ABCA7: variants seen among roughly 807,000 people sequenced by gnomAD.
ABCA7 encodes the protein phospholipid-transporting ATPase ABCA7.
In ABCA7, 261 loss-of-function variants were observed where a neutral mutation model predicts 227.6. The ratio of observed to expected loss-of-function variants is 1.15; its 90% CI spans 1.04 to 1.27. ABCA7 has a LOEUF of 1.27. ABCA7 is among the 50% of genes most tolerant of loss of function. The pLI, the probability that ABCA7 is intolerant of heterozygous loss-of-function variation, is 0.00. For missense variants in ABCA7, 3,331 were observed against 2,924.5 expected (o/e 1.14, Z -3.21); for synonymous variants, 1,488 against 1,279.7 (o/e 1.16, Z -3.47).
At chr19:1,057,243 T>A in intron 34 of ABCA7, 71 bp from the exon 35 acceptor site, 1 of 1,583,488 alleles carries the variant, frequency 6.3e-7, no homozygotes, top group African/African-American at 1.3e-5. Flanking sequence ...GAGGTCAGGG[T>A]GGGAACAGGG....
Position 1,043,901 on chromosome 19 carries a change from C to T in ABCA7, c.1047+60C>T, listed in dbSNP as rs868011570. 69 of 1,456,242 alleles carry T rather than the reference C, an allele frequency of 4.7e-5. 1 individual carries two copies. In the Middle Eastern group the frequency reaches 1.9e-3, roughly 41 times the overall value. The allele number at this position is 1,456,242 out of a possible 1,614,324, so 90.2% of individuals were successfully genotyped here. A position where few individuals can be genotyped will look rare whatever the true frequency, so the allele number is the denominator to read the frequency against. On this transcript the variant is annotated intron_variant, in intron 10 of 46. Coordinates refer to ENST00000263094, the MANE Select transcript of ABCA7 (RefSeq NM_019112.4). ...CCCCGGTGAGGAGGGTAGACAGGCC[C>T]GGTGGATGGGAAGGTGGGCTCCGTG...
chr19:1,061,390 C>CAA lies in ABCA7; in HGVS notation c.5464-371_5464-370dup, dbSNP rs978850571. 7.5e-3 allele frequency among the ~76,000 whole-genome samples: 270 copies of CAA among 36,176 alleles called. 2 individuals are homozygous for CAA. The highest frequency in any genetic ancestry group is 0.021 in the African/African-American group (147 of 7,014). The allele number at this position is 36,176 out of a possible 152,430, so 23.7% of individuals were successfully genotyped here. Reference sequence around the variant, plus strand: ...GGGGTGACACAGCAAGGCTCCGTCTCAAAAAAAAAAAAAAAAAAAAAAGAG... The same window carrying CAA: ...GGGGTGACACAGCAAGGCTCCGTCTCAAAAAAAAAAAAAAAAAAAAAAAAGAG... On this transcript the variant is annotated intron_variant, in intron 40 of 46. Transcript: ENST00000263094.
At chr19:1,062,827 C>G (rs974335757) in intron 42 of ABCA7, among the ~76,000 whole-genome samples, 1 of 151,074 alleles carries the variant, frequency 6.6e-6, no homozygotes, top group Admixed American at 6.6e-5. Context: ...CCACCCACAC[C>G]ATGGCCCTGC....
At position 1,057,020 on chromosome 19, in the gene ABCA7, A is replaced by G. The variant is rs1192906462; in HGVS notation, c.4700A>G (p.His1567Arg). The G allele has an allele frequency of 2.5e-6, 4 of 1,613,674 alleles. No homozygotes were observed. Among genetic ancestry groups the G allele is most frequent in the Non-Finnish European group, 3.4e-6 (4 of 1,179,992 alleles). ...LIEERVTRAK[H>R]LQLMGGLSPT... Reference sequence around the variant, plus strand: ...GAGGAGCGAGTCACCCGAGCCAAGCACCTGCAGCTCATGGGGGGCCTGTCC... The same window carrying G: ...GAGGAGCGAGTCACCCGAGCCAAGCGCCTGCAGCTCATGGGGGGCCTGTCC... Residue 1567 changes from histidine (H) to arginine (R), a missense_variant, in exon 34 of 47, where the codon CAC becomes CGC. Physicochemically the swap from His to Arg is conservative, Grantham distance 29. Coordinates refer to ENST00000263094, the MANE Select transcript of ABCA7 (RefSeq NM_019112.4).
Position 1,065,425 on chromosome 19 carries a change from A to T in ABCA7, c.6441A>T (p.Ter2147CysextTer38). 1 of 1,612,978 alleles carries T rather than the reference A, an allele frequency of 6.2e-7. No homozygotes were observed. Residue 2147 changes from the stop codon to cysteine, a stop_lost, in exon 47 of 47, where the codon TGA (stop) becomes TGT (cysteine). Coordinates refer to ENST00000263094, the MANE Select transcript of ABCA7 (RefSeq NM_019112.4). ...DDPSTAETVL[*>C] ...CTAGCACTGCCGAGACTGTGCTCTG[A>T]GCCTCCCTCCCCTGCGGGGCCGCGG...
rs543605819 is a variant in ABCA7 at position 1,051,581 on chromosome 19, G to T, written c.2957G>T (p.Arg986Leu). The change falls in exon 21 of 47, where the codon CGA becomes CTA. Residue 986 changes from arginine to leucine, a missense_variant. Arg to Leu is a moderately radical substitution (Grantham distance 102). Coordinates refer to ENST00000263094, the MANE Select transcript of ABCA7 (RefSeq NM_019112.4). Reference protein sequence around the residue: ...RGIWELLLKYREGRTLILSTH... With the variant: ...RGIWELLLKYLEGRTLILSTH... ...ATTTGGGAGCTGCTGCTCAAATACC[G>T]AGAAGGTAAGAGCTGGGGATTCTGC... The T allele has an allele frequency of 1.9e-6, 3 of 1,611,468 alleles. No homozygotes were observed. The highest frequency in any genetic ancestry group is 2.7e-5 in the African/African-American group (2 of 74,890).
In ABCA7 at chr19:1,041,952, G is replaced by GAGCA; in HGVS notation, c.284_287dup (p.Asn96LysfsTer94). On this transcript the variant is annotated frameshift_variant, in exon 4 of 47. Transcript: ENST00000263094. LOFTEE classifies it high-confidence loss of function. ...CACCGGGCGAGGAGCCCGGGCGCCT[G>GAGCA]AGCAACTTCAACGACTCCCTGTGAG... is the stretch of plus-strand genomic sequence containing the variant. 1 of 1,588,392 alleles carries GAGCA rather than the reference G, an allele frequency of 6.3e-7. No homozygotes were observed. The highest frequency in any genetic ancestry group is 8.5e-7 in the Non-Finnish European group (1 of 1,173,024).
chr19:1,058,561 G>T, intron 37 of ABCA7, 57 bp from the exon 38 acceptor site: 1 of 1,599,436 alleles, frequency 6.3e-7, no homozygotes, highest in Non-Finnish European at 8.5e-7. Context: ...CATGGATGGA[G>T]AAAGGGCCAG....
intron 42 of ABCA7, among the ~76,000 whole-genome samples, chr19:1,062,572 C>T (rs1158530723): frequency 6.6e-6 from 1 of 152,064 alleles, no homozygotes; most frequent in Non-Finnish European, 1.5e-5. Flanking sequence ...CTGCACGTTG[C>T]CCCTCTCTCC....
chr19:1,055,158 C>T lies in ABCA7; in HGVS notation c.4012C>T (p.Pro1338Ser). The T allele has an allele frequency of 6.2e-7, 1 of 1,612,808 alleles. No homozygotes were observed. The highest frequency in any genetic ancestry group is 8.5e-7 in the Non-Finnish European group (1 of 1,179,922). ...AKVLASGNWT[P>S]ESPSPACQCS... ...GGTCTTGGCCAGTGGCAACTGGACC[C>T]CAGAGTCTCCATCCCCAGCCTGCCA... The change falls in exon 30 of 47, where the codon CCA (proline) becomes TCA (serine). Residue 1338 changes from proline (P) to serine (S), a missense_variant. Coordinates refer to ENST00000263094, the MANE Select transcript of ABCA7 (RefSeq NM_019112.4).
At chr19:1,049,196 C>T in intron 17 of ABCA7, 70 bp from the exon 18 acceptor site, 1 of 1,512,014 alleles carries the variant, frequency 6.6e-7, no homozygotes, top group Non-Finnish European at 8.9e-7. Flanking sequence ...TTCCACAGCC[C>T]AGCTCTGAGG....
At chr19:1,062,386 G>T in intron 42 of ABCA7, 73 bp downstream of exon 42, 1 of 1,564,654 alleles carries the variant, frequency 6.4e-7, no homozygotes, top group Non-Finnish European at 8.6e-7. Context: ...CTAAAGCCTG[G>T]CCCAATCCCG....
In ABCA7 at chr19:1,055,102, C is replaced by T. The variant is rs371279503; in HGVS notation, c.3956C>T (p.Ser1319Leu). The T allele has an allele frequency of 6.8e-5, 110 of 1,611,320 alleles. No homozygotes were observed. Among genetic ancestry groups the T allele is most frequent in the African/African-American group, 1.2e-4 (9 of 74,898 alleles). The change falls in exon 30 of 47, where the codon TCG (serine) becomes TTG (leucine). Residue 1319 changes from serine to leucine, a missense_variant. By Grantham distance (145) the Ser-to-Leu change is moderately radical (BLOSUM62 -2). Coordinates refer to ENST00000263094, the MANE Select transcript of ABCA7 (RefSeq NM_019112.4). ...PPVQHSSHRFSAPEVPAEVAK... is the reference protein window; with the variant it reads ...PPVQHSSHRFLAPEVPAEVAK... ...GCACAGCCCATTGTCTGCAGGTTCTCGGCACCAGAAGTTCCTGCTGAAGTG... is the reference window on the plus strand; with the variant it reads ...GCACAGCCCATTGTCTGCAGGTTCTTGGCACCAGAAGTTCCTGCTGAAGTG...
intron 16 of ABCA7, 83 bp downstream of exon 16, chr19:1,047,737 T>C: frequency 1.4e-6 from 2 of 1,407,322 alleles, no homozygotes; most frequent in East Asian, 2.6e-5. Context: ...TCCAGGCCGT[T>C]TGGGGGTGGG....
rs373305368 is a variant in ABCA7 at position 1,051,168 on chromosome 19, G to A, written c.2698G>A (p.Glu900Lys). The A allele has an allele frequency of 1.2e-5, 20 of 1,611,218 alleles. No homozygotes were observed. The highest frequency in any genetic ancestry group is 4.5e-5 in the East Asian group (2 of 44,888). The change falls in exon 20 of 47, where the codon GAG becomes AAG. Residue 900 changes from glutamate (E) to lysine (K), a missense_variant. Transcript: ENST00000263094. The stretch of plus-strand genomic sequence containing the variant: ...CACTGGCCGCAGGCTGACCGTGGAC[G>A]AGCACGTCTGGTTCTATGGGCGGCT... ...NVLFDMLTVD[E>K]HVWFYGRLKG...
chr19:1,053,633 T>A, intron 24 of ABCA7, 102 bp downstream of exon 24: 3 of 1,516,990 alleles, frequency 2.0e-6, no homozygotes, highest in Admixed American at 3.7e-5. Flanking sequence ...AGCAAGGACA[T>A]TCAGGGAGGA....
intron 41 of ABCA7, 99 bp downstream of exon 41, chr19:1,061,987 GC>G: frequency 7.0e-7 from 1 of 1,436,108 alleles, no homozygotes. Flanking sequence ...TGGGCTCACT[GC>G]CCCACACCTG....
intron 35 of ABCA7, 107 bp downstream of exon 35, chr19:1,057,536 G>A: frequency 8.9e-7 from 1 of 1,119,124 alleles, no homozygotes; most frequent in South Asian, 1.3e-5. Flanking sequence ...AGAGGATATG[G>A]AGGTCTGAGG....
In ABCA7 at chr19:1,046,253, C is replaced by T. The variant is rs780953926; in HGVS notation, c.1469C>T (p.Ala490Val). ...AGGTTTTGGGACCCTGGCCCAGCCGCGGACCCCCTGACCGACCTGCGCTAC... is the reference window on the plus strand; with the variant it reads ...AGGTTTTGGGACCCTGGCCCAGCCGTGGACCCCCTGACCGACCTGCGCTAC... ...RDRFWDPGPAADPLTDLRYVW... is the reference protein window; with the variant it reads ...RDRFWDPGPAVDPLTDLRYVW... The change falls in exon 13 of 47, where the codon GCG (alanine) becomes GTG (valine). Residue 490 changes from alanine (A) to valine (V), a missense_variant. Coordinates refer to ENST00000263094, the MANE Select transcript of ABCA7 (RefSeq NM_019112.4). 7 of 1,607,236 alleles carry T rather than the reference C, an allele frequency of 4.4e-6. No homozygotes were observed. The South Asian group carries it at 4.4e-5, about 10-fold the overall frequency.
Sources: gnomAD v4.1 joint callset for allele counts (sites outside exome capture counted in the v4.1 genomes callset) on GRCh38, gnomAD v4.1.1 for gene constraint, MANE v1.5 for transcripts, NCBI Gene and HGNC (gene_info 2026-07-23, HGNC 2026-07-21) for gene names.